AGBL4: variants seen among roughly 807,000 people sequenced by gnomAD.
AGBL4 encodes the protein AGBL carboxypeptidase 4.
AGBL4 carries 58 observed loss-of-function variants against 66.4 expected under a neutral mutation model. That is an observed-to-expected ratio of 0.87 (90% CI 0.71 to 1.09). The LOEUF is 1.09. AGBL4 is among the 50% of genes least tolerant of loss of function. The pLI is 0.00. For synonymous variants in AGBL4, 234 were observed against 222.9 expected (o/e 1.05, Z -0.44); for missense variants, 579 against 631.0 (o/e 0.92, Z 0.88).
intron 2 of AGBL4, chr1:49,842,104 C>T (rs530364308): frequency 7.2e-5 from 25 of 348,660 alleles, no homozygotes; most frequent in South Asian, 2.3e-4. Context: ...TCCTGAAGTC[C>T]GCGCCAAGCT....
At chr1:49,130,406 G>C (rs1351642388) in intron 4 of AGBL4, among the ~76,000 whole-genome samples, 1 of 152,120 alleles carries the variant, frequency 6.6e-6, no homozygotes, top group Non-Finnish European at 1.5e-5. Context: ...TGTCCTGAAT[G>C]GTAATGCCTA....
intron 3 of AGBL4, among the ~76,000 whole-genome samples, chr1:49,479,456 C>T (rs1017511717): frequency 1.3e-5 from 2 of 151,866 alleles, no homozygotes; most frequent in African/African-American, 4.8e-5. Context: ...TACTTCCTCC[C>T]ACCCTCCACC....
chr1:49,791,222 T>C (rs566351977), intron 2 of AGBL4, among the ~76,000 whole-genome samples: 91 of 152,228 alleles, frequency 6.0e-4, no homozygotes, highest in African/African-American at 1.7e-3. Flanking sequence ...TGAATGAATG[T>C]ATGGATAGAT....
At chr1:49,020,512 C>T (rs1044794305) in intron 5 of AGBL4, among the ~76,000 whole-genome samples, 1 of 152,112 alleles carries the variant, frequency 6.6e-6, no homozygotes, top group South Asian at 2.1e-4. Context: ...ATGGGAGGCT[C>T]CAGTATTGAG....
At position 49,568,155 on chromosome 1, in the gene AGBL4, G is replaced by GA. The variant is rs1176092107; in HGVS notation, c.282+129157dup. On this transcript the variant is annotated intron_variant, in intron 3 of 13. Coordinates refer to ENST00000371839, the MANE Select transcript of AGBL4 (RefSeq NM_032785.4). ...ACCTGGCCAGAGCAATCAAGTAAAA[G>GA]AAAAAAAATAAAGGGCATCCAAATA... Among the ~76,000 whole-genome samples, 56 of 151,276 alleles carry GA rather than the reference G, an allele frequency of 3.7e-4. No individual in the cohort carries two copies. In the East Asian group the frequency reaches 0.01, roughly 28 times the overall value.
intron 4 of AGBL4, among the ~76,000 whole-genome samples, chr1:49,191,975 C>T (rs1261664472): frequency 6.6e-6 from 1 of 152,116 alleles, no homozygotes; most frequent in Non-Finnish European, 1.5e-5. Flanking sequence ...TCATTATATA[C>T]CTAGAAATGT....
chr1:49,510,268 T>G lies in AGBL4; in HGVS notation c.282+187045A>C, dbSNP rs531237272. 1.4e-3 allele frequency among the ~76,000 whole-genome samples: 212 copies of G among 151,924 alleles called. 1 individual carries two copies. The highest frequency in any genetic ancestry group is 4.0e-3 in the African/African-American group (164 of 41,498). ...TGTTGTTTCCTGACTTTTTAATGAT[T>G]GCCATTCTAACTGGTGTGAGATGGT... On this transcript the variant is annotated intron_variant, in intron 3 of 13. Coordinates refer to ENST00000371839, the MANE Select transcript of AGBL4 (RefSeq NM_032785.4).
intron 3 of AGBL4, among the ~76,000 whole-genome samples, chr1:49,648,044 G>A (rs1209187661): frequency 6.6e-6 from 1 of 152,058 alleles, no homozygotes; most frequent in Non-Finnish European, 1.5e-5. Context: ...AGAAATGGCA[G>A]GGATGGTGAA....
At position 49,859,279 on chromosome 1, in the gene AGBL4, T is replaced by C. The variant is rs189483264; in HGVS notation, c.35-7761A>G. ...GAAATTACTAAGCAGATGAAGACAT[T>C]AAACAAGAAGAAAACTAAAGACTGG... On this transcript the variant is annotated intron_variant, in intron 1 of 13. Transcript: ENST00000371839. Among the ~76,000 whole-genome samples the C allele has an allele frequency of 3.0e-4, 46 of 152,244 alleles. 1 individual carries two copies. In the East Asian group the frequency reaches 8.7e-3, roughly 29 times the overall value.
chr1:49,335,917 C>T (rs116294239), intron 3 of AGBL4, among the ~76,000 whole-genome samples: 18 of 152,306 alleles, frequency 1.2e-4, no homozygotes, highest in African/African-American at 4.3e-4. Context: ...AGACACTACT[C>T]TCTCACTACA....
intron 2 of AGBL4, chr1:49,845,133 C>T: frequency 7.1e-7 from 1 of 1,403,348 alleles, no homozygotes. Flanking sequence ...CCCAACACCA[C>T]CGTACGCATA....
chr1:49,191,563 T>A (rs1454398290), intron 4 of AGBL4, among the ~76,000 whole-genome samples: 1 of 152,184 alleles, frequency 6.6e-6, no homozygotes, highest in Non-Finnish European at 1.5e-5. Context: ...CCATCACCCA[T>A]GTCATGAGCA....
intron 1 of AGBL4, among the ~76,000 whole-genome samples, chr1:49,967,801 A>C (rs1657694957): frequency 6.6e-6 from 1 of 152,098 alleles, no homozygotes; most frequent in Non-Finnish European, 1.5e-5. Flanking sequence ...TTTAAATTAC[A>C]TTTCTTTGAT....
At chr1:49,475,049 T>C (rs1468283855) in intron 3 of AGBL4, among the ~76,000 whole-genome samples, 2 of 152,044 alleles carry the variant, frequency 1.3e-5, no homozygotes, top group African/African-American at 2.4e-5. Flanking sequence ...TTTTTGCCCA[T>C]TCACTATGAT....
At chr1:49,541,908 G>T (rs1386339575) in intron 3 of AGBL4, among the ~76,000 whole-genome samples, 2 of 151,634 alleles carry the variant, frequency 1.3e-5, no homozygotes, top group Admixed American at 1.3e-4. Context: ...TAGCTAATCT[G>T]GTGGGGACTT....
chr1:49,163,151 A>T (rs1013103104), intron 4 of AGBL4, among the ~76,000 whole-genome samples: 2 of 152,222 alleles, frequency 1.3e-5, no homozygotes, highest in African/African-American at 2.4e-5. Flanking sequence ...TGTTTGCCTC[A>T]TCATCAAGCT....
At chr1:48,828,737 T>C (rs1646485215) in intron 6 of AGBL4, among the ~76,000 whole-genome samples, 1 of 152,232 alleles carries the variant, frequency 6.6e-6, no homozygotes. Flanking sequence ...GTTCTGCCAG[T>C]TAAAATCCAT....
At chr1:49,127,628 G>C (rs1569717724) in intron 4 of AGBL4, among the ~76,000 whole-genome samples, 1 of 152,136 alleles carries the variant, frequency 6.6e-6, no homozygotes, top group East Asian at 1.9e-4. Context: ...ACAGCAACTA[G>C]GGAGAACTGA....
chr1:49,326,915 A>G (rs953409076), intron 3 of AGBL4, among the ~76,000 whole-genome samples: 23 of 152,274 alleles, frequency 1.5e-4, no homozygotes, highest in Admixed American at 7.2e-4. Context: ...ACATTATTAC[A>G]TTGCTTCTGG....
Sources: gnomAD v4.1 joint callset for allele counts (sites outside exome capture counted in the v4.1 genomes callset) on GRCh38, gnomAD v4.1.1 for gene constraint, MANE v1.5 for transcripts, NCBI Gene and HGNC (gene_info 2026-07-23, HGNC 2026-07-21) for gene names.